The following POLH variants were observed in gnomAD, a reference collection of about 807,000 sequenced individuals.
POLH encodes the protein DNA polymerase eta transcript.
POLH carries 53 observed loss-of-function variants against 73.6 expected under a neutral mutation model. The ratio of observed to expected loss-of-function variants is 0.72; its 90% CI spans 0.58 to 0.91. POLH has a LOEUF of 0.91. Ranked by LOEUF, POLH falls within the 40% of genes least tolerant of loss-of-function variation. The pLI is 0.00. For missense variants in POLH, 768 were observed against 865.4 expected, an observed-to-expected ratio of 0.89 and a Z score of 1.41; for synonymous variants, 292 against 308.5, an observed-to-expected ratio of 0.95 and a Z score of 0.56.
At chr6:43,613,102 C>T (rs1768073995) in intron 10 of POLH, among the ~76,000 whole-genome samples, 1 of 152,052 alleles carries the variant, frequency 6.6e-6, no homozygotes, top group Admixed American at 6.6e-5. Context: ...CCGGCTATCA[C>T]AAGAATTTCT....
intron 4 of POLH, among the ~76,000 whole-genome samples, chr6:43,592,578 AT>A (rs1765584257): frequency 6.6e-6 from 1 of 151,540 alleles, no homozygotes; most frequent in South Asian, 2.1e-4. Flanking sequence ...CGCCCGGCTA[AT>A]TTTTTTGTAT....
Position 43,610,806 on chromosome 6 carries a change from A to G in POLH, c.1244+83A>G. The G allele has an allele frequency of 3.4e-6, 4 of 1,189,178 alleles. No individual in the cohort carries two copies. In the South Asian group the frequency reaches 3.9e-5, roughly 11 times the overall value. The allele number at this position is 1,189,178 out of a possible 1,614,324, so 73.7% of individuals were successfully genotyped here. A position where few individuals can be genotyped will look rare whatever the true frequency, so the allele number is the denominator to read the frequency against. ...AGCTCTACAAGACATAATTTTTATC[A>G]TAAAGTTCCTCATTGTGTCTAATCA... On this transcript the variant is annotated intron_variant, in intron 10 of 10. Coordinates refer to ENST00000372236, the MANE Select transcript of POLH (RefSeq NM_006502.3).
In POLH at chr6:43,614,181, A is replaced by G; in HGVS notation, c.1766A>G (p.Lys589Arg). ...EGVSKLEESS[K>R]ATPAEMDLAH... The stretch of plus-strand genomic sequence containing the variant: ...GTGTCGAAGCTAGAAGAATCCTCTA[A>G]AGCAACTCCTGCAGAGATGGATTTG... Residue 589 changes from lysine (K) to arginine (R), a missense_variant, in exon 11 of 11, where the codon AAA becomes AGA. Lys to Arg is a conservative substitution (Grantham distance 26). Coordinates refer to ENST00000372236, the MANE Select transcript of POLH (RefSeq NM_006502.3). The G allele has an allele frequency of 6.2e-7, 1 of 1,614,020 alleles. No individual in the cohort carries two copies. Among genetic ancestry groups the G allele is most frequent in the Non-Finnish European group, 8.5e-7 (1 of 1,179,936 alleles).
chr6:43,613,533 C>T, intron 10 of POLH, 127 bp from the exon 11 acceptor site: 1 of 779,168 alleles, frequency 1.3e-6, no homozygotes, highest in East Asian at 2.5e-5. Context: ...AACCAGAATG[C>T]TAGTCATCTA....
chr6:43,577,443 T>G (rs776517502), intron 1 of POLH, among the ~76,000 whole-genome samples: 17 of 152,246 alleles, frequency 1.1e-4, no homozygotes, highest in Non-Finnish European at 2.2e-4. Context: ...CACTTCAAAG[T>G]AGAGGGACTT....
At chr6:43,588,862 G>A (rs1765128294) in intron 4 of POLH, 1 of 151,394 alleles carries the variant, frequency 6.6e-6, no homozygotes. Context: ...TTTTGAGACG[G>A]AGTCTCACTC....
chr6:43,599,630 T>G (rs1766504962), intron 5 of POLH, among the ~76,000 whole-genome samples: 1 of 151,270 alleles, frequency 6.6e-6, no homozygotes, highest in Non-Finnish European at 1.5e-5. Context: ...ATCTGAATTT[T>G]TTTGGTGTTT....
intron 10 of POLH, among the ~76,000 whole-genome samples, chr6:43,610,933 T>C (rs1767819018): frequency 6.6e-6 from 1 of 152,186 alleles, no homozygotes; most frequent in Non-Finnish European, 1.5e-5. Flanking sequence ...TTAAAGTTAT[T>C]ATTAAAGTAT....
intron 4 of POLH, among the ~76,000 whole-genome samples, chr6:43,595,243 GTC>G (rs1016489453): frequency 6.6e-6 from 1 of 151,518 alleles, no homozygotes; most frequent in Non-Finnish European, 1.5e-5. Flanking sequence ...TGATTCTCCT[GTC>G]TCAGCCTCCT....
In POLH at chr6:43,617,011, G is replaced by A. The variant is rs1413984555; in HGVS notation, c.*2454G>A. On this transcript the variant is annotated 3_prime_UTR_variant, in exon 11 of 11. Coordinates refer to ENST00000372236, the MANE Select transcript of POLH (RefSeq NM_006502.3). ...TCAAGACAAGCATGGCCAACATGGC[G>A]AAACCCTGTATCTACTAAAAATACA... 2.6e-5 allele frequency among the ~76,000 whole-genome samples: 4 copies of A among 152,178 alleles called. No individual in the cohort carries two copies. Among genetic ancestry groups the A allele is most frequent in the South Asian group, 2.1e-4 (1 of 4,830 alleles).
rs559642468 is a variant in POLH at position 43,614,838 on chromosome 6, T to A, written c.*281T>A. ...AGTAAAAAGTGTGTGGGCCTTGGAG[T>A]CTAAGAGACGTGGTTGCAAACTTAG... is the stretch of plus-strand genomic sequence containing the variant. On this transcript the variant is annotated 3_prime_UTR_variant, in exon 11 of 11. Transcript: ENST00000372236. 5.0e-6 allele frequency: 2 copies of A among 399,660 alleles called. No homozygotes were observed. Among genetic ancestry groups the A allele is most frequent in the Non-Finnish European group, 9.0e-6 (2 of 222,932 alleles). The allele number at this position is 399,660 out of a possible 1,614,324, so 24.8% of individuals were successfully genotyped here.
intron 4 of POLH, among the ~76,000 whole-genome samples, chr6:43,592,294 G>A (rs145296743): frequency 1.5e-4 from 23 of 152,140 alleles, no homozygotes; most frequent in African/African-American, 4.8e-4. Context: ...GAAAAGAGGC[G>A]AGGTATTTGT....
rs1206403661 is a variant in POLH, at chr6:43,616,212, G to A, written c.*1655G>A. ...GGAGAATGGTGTGAACCCGGGAGGC[G>A]GAGCTTGCAGTGAGCCGAGAGCGCG... is the stretch of plus-strand genomic sequence containing the variant. On this transcript the variant is annotated 3_prime_UTR_variant, in exon 11 of 11. Coordinates refer to ENST00000372236, the MANE Select transcript of POLH (RefSeq NM_006502.3). 1.3e-5 allele frequency among the ~76,000 whole-genome samples: 2 copies of A among 151,056 alleles called. No individual in the cohort carries two copies. Among genetic ancestry groups the A allele is most frequent in the African/African-American group, 2.4e-5 (1 of 41,118 alleles).
intron 4 of POLH, among the ~76,000 whole-genome samples, chr6:43,589,473 G>A (rs1765205706): frequency 6.6e-6 from 1 of 152,136 alleles, no homozygotes; most frequent in South Asian, 2.1e-4. Context: ...CACTAATTGA[G>A]ATTGAAGATC....
chr6:43,582,587 G>A lies in POLH; in HGVS notation c.137+131G>A, dbSNP rs948763666. ...CTGTTGTCCCATCCAGAGCGCAGTGGCACCATCAGCTCACAGCAGCTTTGA... is the reference window on the plus strand; with the variant it reads ...CTGTTGTCCCATCCAGAGCGCAGTGACACCATCAGCTCACAGCAGCTTTGA... On this transcript the variant is annotated intron_variant, in intron 2 of 10. Transcript: ENST00000372236. 57 of 896,494 alleles carry A rather than the reference G, an allele frequency of 6.4e-5. 2 individuals carry two copies. In the South Asian group the frequency reaches 7.5e-4, roughly 12 times the overall value. 55.5% of individuals were successfully genotyped at this position (896,494 alleles called of 1,614,324 possible). A position where few individuals can be genotyped will look rare whatever the true frequency, so the allele number is the denominator to read the frequency against.
rs1361109269 is a variant in POLH, at chr6:43,583,152, A to G, written c.272+11A>G. 5 of 1,613,248 alleles carry G rather than the reference A, an allele frequency of 3.1e-6. No homozygotes were observed. The East Asian group carries it at 6.7e-5, about 22-fold the overall frequency. ...AGCTAACCTCACCAAGTAAGAAAAA[A>G]ACATTATTTAAGGAGACATAAAGGA... On this transcript the variant is annotated intron_variant, in intron 3 of 10. Transcript: ENST00000372236.
chr6:43,608,505 T>G (rs1305331954), intron 9 of POLH, among the ~76,000 whole-genome samples: 1 of 152,176 alleles, frequency 6.6e-6, no homozygotes, highest in East Asian at 1.9e-4. Context: ...TCTCTCTAAG[T>G]CCCTGGGGCC....
intron 9 of POLH, among the ~76,000 whole-genome samples, chr6:43,607,078 C>T (rs540194459): frequency 1.3e-5 from 2 of 152,182 alleles, no homozygotes; most frequent in South Asian, 4.1e-4. Context: ...TGTATTAGTA[C>T]TTAGTCATTT....
intron 4 of POLH, among the ~76,000 whole-genome samples, chr6:43,590,739 A>G (rs978050518): frequency 3.9e-5 from 6 of 152,030 alleles, no homozygotes; most frequent in African/African-American, 1.4e-4. Flanking sequence ...TCTGGCCAAC[A>G]TGGCGAAACC....
Sources: allele counts gnomAD v4.1 joint callset (sites outside exome capture counted in the v4.1 genomes callset), GRCh38; gene constraint gnomAD v4.1.1; transcripts MANE v1.5; gene names NCBI Gene and HGNC (gene_info 2026-07-23, HGNC 2026-07-21).